CDKAL1: variants seen among roughly 807,000 people sequenced by gnomAD.
CDKAL1 encodes threonylcarbamoyladenosine tRNA methylthiotransferase.
A neutral mutation model predicts 68.2 loss-of-function variants in CDKAL1; 32 were observed. The observed-to-expected ratio is 0.47, with a 90% CI of 0.35 to 0.63. The LOEUF (loss-of-function observed/expected upper bound fraction) is 0.63. Ranked by LOEUF, CDKAL1 falls within the 30% of genes least tolerant of loss-of-function variation. CDKAL1 has a pLI of 0.00. For synonymous variants in CDKAL1, 234 were observed against 244.3 expected (o/e 0.96, Z 0.39); for missense variants, 606 against 696.7 (o/e 0.87, Z 1.47).
At position 20,568,753 on chromosome 6, in the gene CDKAL1, A is replaced by AAC. The variant is rs1554152129; in HGVS notation, c.286+20049_286+20050insCA. On this transcript the variant is annotated intron_variant, in intron 4 of 15. Coordinates refer to ENST00000274695, the MANE Select transcript of CDKAL1 (RefSeq NM_017774.3). ...CCGCCTCAAAAAAAAAAAAAAAACA[A>AAC]AAAAACAAAAAAACAAAGAAATGTG... 1.2e-3 allele frequency among the ~76,000 whole-genome samples: 148 copies of AAC among 127,514 alleles called. 11 individuals carry two copies. The East Asian group carries it at 0.012, about 11-fold the overall frequency. The allele number at this position is 127,514 out of a possible 152,430, so 83.7% of individuals were successfully genotyped here. A position where few individuals can be genotyped will look rare whatever the true frequency, so the allele number is the denominator to read the frequency against.
At chr6:20,862,791 C>G (rs1759714536) in intron 9 of CDKAL1, among the ~76,000 whole-genome samples, 1 of 152,154 alleles carries the variant, frequency 6.6e-6, no homozygotes, top group South Asian at 2.1e-4. Context: ...CTTTGGGAGG[C>G]TGAGGTGGGT....
At chr6:21,210,310 A>G (rs1193249301) in intron 15 of CDKAL1, among the ~76,000 whole-genome samples, 3 of 152,154 alleles carry the variant, frequency 2.0e-5, no homozygotes, top group East Asian at 3.9e-4. Flanking sequence ...CACTCATGTG[A>G]TGGTGTTAGG....
At chr6:20,956,483 A>C (rs976574744) in intron 10 of CDKAL1, among the ~76,000 whole-genome samples, 1 of 152,248 alleles carries the variant, frequency 6.6e-6, no homozygotes, top group Non-Finnish European at 1.5e-5. Flanking sequence ...ACCCATAGTT[A>C]TGGAAATAAA....
chr6:20,802,315 C>CAATAATAATAATAAT (rs55851833), intron 8 of CDKAL1, among the ~76,000 whole-genome samples: 15 of 115,452 alleles, frequency 1.3e-4, no homozygotes, highest in South Asian at 2.8e-4. Context: ...ACAACAACAA[C>CAATAATAATAATAAT]AATAATAATA....
intron 13 of CDKAL1, among the ~76,000 whole-genome samples, chr6:21,154,540 A>C (rs1776554259): frequency 6.6e-6 from 1 of 152,194 alleles, no homozygotes; most frequent in Non-Finnish European, 1.5e-5. Context: ...TGTATTGCTT[A>C]GTTTCTGAAG....
intron 6 of CDKAL1, 46 bp from the exon 7 acceptor site, chr6:20,758,549 T>C: frequency 6.4e-7 from 1 of 1,560,750 alleles, no homozygotes; most frequent in South Asian, 1.2e-5. Flanking sequence ...ACAAATTTTG[T>C]TTCTTCGTGT....
intron 14 of CDKAL1, among the ~76,000 whole-genome samples, chr6:21,198,355 T>C (rs767884192): frequency 6.6e-6 from 1 of 152,186 alleles, no homozygotes; most frequent in East Asian, 1.9e-4. Context: ...CTTTAGGCTT[T>C]TGGGCGTTTG....
intron 4 of CDKAL1, among the ~76,000 whole-genome samples, chr6:20,563,800 A>G (rs1029137623): frequency 6.6e-6 from 1 of 152,150 alleles, no homozygotes. Context: ...TCCTTTCCAA[A>G]TTATACAAAA....
chr6:20,719,238 C>G (rs1182249543), intron 5 of CDKAL1, among the ~76,000 whole-genome samples: 1 of 152,152 alleles, frequency 6.6e-6, no homozygotes, highest in Non-Finnish European at 1.5e-5. Context: ...TTTAATTTGC[C>G]TCAGTCTTCT....
chr6:21,174,943 A>G (rs1777523189), intron 13 of CDKAL1, among the ~76,000 whole-genome samples: 1 of 152,192 alleles, frequency 6.6e-6, no homozygotes. Context: ...CTGTGCACTC[A>G]TCTGAAAAAT....
At chr6:21,015,804 G>T (rs1768293547) in intron 11 of CDKAL1, among the ~76,000 whole-genome samples, 1 of 151,896 alleles carries the variant, frequency 6.6e-6, no homozygotes, top group Admixed American at 6.6e-5. Context: ...GTGCGCACCT[G>T]TAATCCCATG....
intron 11 of CDKAL1, among the ~76,000 whole-genome samples, chr6:21,042,296 CT>C (rs1311103293): frequency 1.3e-5 from 2 of 152,072 alleles, no homozygotes; most frequent in African/African-American, 2.4e-5. Flanking sequence ...CCATTCACCC[CT>C]GTCTCTGCTT....
chr6:21,162,138 A>T (rs1433509357), intron 13 of CDKAL1, among the ~76,000 whole-genome samples: 5 of 152,192 alleles, frequency 3.3e-5, no homozygotes, highest in Non-Finnish European at 7.3e-5. Flanking sequence ...AACTCCAGAA[A>T]TGTGAGTGAA....
At chr6:20,777,473 G>A (rs1015492708) in intron 7 of CDKAL1, among the ~76,000 whole-genome samples, 11 of 152,032 alleles carry the variant, frequency 7.2e-5, no homozygotes, top group African/African-American at 2.2e-4. Context: ...AAAGTAACTG[G>A]ACGTGGTGGC....
intron 4 of CDKAL1, among the ~76,000 whole-genome samples, chr6:20,584,893 A>T (rs1425567598): frequency 6.6e-6 from 1 of 152,072 alleles, no homozygotes; most frequent in African/African-American, 2.4e-5. Flanking sequence ...ACGTGCTCTC[A>T]TCTGAGGCCA....
intron 5 of CDKAL1, among the ~76,000 whole-genome samples, chr6:20,689,242 T>C (rs542253604): frequency 2.0e-5 from 3 of 152,192 alleles, no homozygotes; most frequent in Admixed American, 6.5e-5. Context: ...GAGGTAAAAA[T>C]TCACGCAAGT....
intron 4 of CDKAL1, among the ~76,000 whole-genome samples, chr6:20,600,083 G>C (rs1477750225): frequency 6.6e-6 from 1 of 152,090 alleles, no homozygotes; most frequent in Non-Finnish European, 1.5e-5. Flanking sequence ...CTTGTGATTT[G>C]TTGTATAATT....
At chr6:20,991,313 G>C (rs1766781690) in intron 10 of CDKAL1, among the ~76,000 whole-genome samples, 1 of 152,160 alleles carries the variant, frequency 6.6e-6, no homozygotes, top group Non-Finnish European at 1.5e-5. Context: ...GTTTCAGTCT[G>C]GGAAGATCAA....
intron 5 of CDKAL1, among the ~76,000 whole-genome samples, chr6:20,728,333 A>C (rs993968741): frequency 6.6e-6 from 1 of 152,170 alleles, no homozygotes; most frequent in Non-Finnish European, 1.5e-5. Flanking sequence ...TCATATATAA[A>C]AGGAAGTTGT....
Sources: allele counts gnomAD v4.1 joint callset (sites outside exome capture counted in the v4.1 genomes callset), GRCh38; gene constraint gnomAD v4.1.1; transcripts MANE v1.5; gene names NCBI Gene and HGNC (gene_info 2026-07-23, HGNC 2026-07-21).